The following PCDH11X variants were observed in gnomAD, a reference collection of about 807,000 sequenced individuals.
PCDH11X encodes the protein protocadherin-11 X-linked.
PCDH11X carries 18 observed loss-of-function variants against 53.3 expected under a neutral mutation model. The observed-to-expected ratio is 0.34, with a 90% CI of 0.23 to 0.50. The LOEUF (loss-of-function observed/expected upper bound fraction) is 0.50, where lower values mean the gene tolerates loss of function less well. Ranked by LOEUF, PCDH11X falls within the 20% of genes least tolerant of loss-of-function variation. The probability of loss-of-function intolerance (pLI) is 0.98; values close to 1 mark genes in which losing one functional copy is unlikely to be tolerated. For missense variants in PCDH11X, 570 were observed against 1,032.4 expected, an observed-to-expected ratio of 0.55 and a Z score of 6.14; for synonymous variants, 279 against 393.3, an observed-to-expected ratio of 0.71 and a Z score of 3.44.
chrX:92,252,972 G>C (rs906935725), intron 7 of PCDH11X, among the ~76,000 whole-genome samples: 1 of 110,531 alleles, frequency 9.0e-6, no homozygotes. Flanking sequence ...GTAACCAGCA[G>C]GAATACACAA....
At chrX:91,902,299 G>A (rs190370630) in intron 6 of PCDH11X, among the ~76,000 whole-genome samples, 78 of 109,983 alleles carry the variant, frequency 7.1e-4, no homozygotes, top group Non-Finnish European at 1.3e-3. Flanking sequence ...CATGTAGTTA[G>A]CAGTGGCCTC....
intron 6 of PCDH11X, among the ~76,000 whole-genome samples, chrX:91,958,077 G>A (rs750446392): frequency 1.8e-5 from 2 of 110,837 alleles, no homozygotes; most frequent in African/African-American, 3.3e-5. Context: ...CTGCATTGTT[G>A]GGGGGCCCTT....
At chrX:91,861,660 C>A (rs151059966) in intron 5 of PCDH11X, among the ~76,000 whole-genome samples, 1 of 112,003 alleles carries the variant, frequency 8.9e-6, no homozygotes, top group Admixed American at 9.5e-5. Flanking sequence ...CCAACCCAAA[C>A]GGCTGCTGAG....
chrX:92,470,469 G>A (rs1344630108), intron 10 of PCDH11X, among the ~76,000 whole-genome samples: 1 of 104,172 alleles, frequency 9.6e-6, no homozygotes, highest in Non-Finnish European at 2.0e-5. Context: ...CTCTAGCTAG[G>A]ACTTCCAGTA....
At chrX:92,333,082 C>G (rs2069532150) in intron 8 of PCDH11X, among the ~76,000 whole-genome samples, 2 of 109,216 alleles carry the variant, frequency 1.8e-5, no homozygotes, top group Non-Finnish European at 3.8e-5. Flanking sequence ...AGTTTCATGC[C>G]CTTATTTTTG....
At chrX:92,267,468 T>C (rs1378412304) in intron 8 of PCDH11X, among the ~76,000 whole-genome samples, 2 of 112,413 alleles carry the variant, frequency 1.8e-5, no homozygotes, top group African/African-American at 6.5e-5. Context: ...TTCTCTGTCA[T>C]TGGCCAGACT....
intron 7 of PCDH11X, among the ~76,000 whole-genome samples, chrX:92,244,405 G>A (rs2067311567): frequency 9.2e-6 from 1 of 108,654 alleles, no homozygotes; most frequent in African/African-American, 3.4e-5. Context: ...GTCTTTTACT[G>A]TCATTCAAAG....
At chrX:92,231,791 G>A (rs2088969417) in intron 7 of PCDH11X, among the ~76,000 whole-genome samples, 1 of 112,058 alleles carries the variant, frequency 8.9e-6, no homozygotes, top group African/African-American at 3.2e-5. Context: ...CCAATTTTAA[G>A]TTCTTATGGA....
chrX:91,823,870 G>T (rs1222767699), intron 4 of PCDH11X, among the ~76,000 whole-genome samples: 26 of 110,578 alleles, frequency 2.4e-4, no homozygotes, highest in African/African-American at 8.3e-4. Flanking sequence ...GGCAGGCCTG[G>T]TGGTGACAAA....
chrX:92,118,132 T>C (rs1262298596), intron 6 of PCDH11X, among the ~76,000 whole-genome samples: 1 of 111,478 alleles, frequency 9.0e-6, no homozygotes, highest in African/African-American at 3.3e-5. Flanking sequence ...ACCTTTTTTC[T>C]TGAGCCACAG....
At chrX:91,803,678 T>C in intron 1 of PCDH11X, among the ~76,000 whole-genome samples, 2 of 111,507 alleles carry the variant, frequency 1.8e-5, no homozygotes, top group South Asian at 3.7e-4. Context: ...GCATATATCA[T>C]AAGACTGCTG....
chrX:92,347,512 C>T (rs1328832046), intron 8 of PCDH11X, among the ~76,000 whole-genome samples: 1 of 111,723 alleles, frequency 9.0e-6, no homozygotes, highest in African/African-American at 3.2e-5. Flanking sequence ...AAGAGGCTTC[C>T]GGGTAGAAAT....
At chrX:91,884,696 A>G (rs1038717399) in intron 6 of PCDH11X, among the ~76,000 whole-genome samples, 7 of 93,151 alleles carry the variant, frequency 7.5e-5, no homozygotes, top group Non-Finnish European at 1.1e-4. Flanking sequence ...TTCTTAAACT[A>G]TTTATGACTT....
chrX:92,558,954 G>T (rs2557254), intron 10 of PCDH11X, among the ~76,000 whole-genome samples: 1 of 107,306 alleles, frequency 9.3e-6, no homozygotes, highest in East Asian at 2.9e-4. Flanking sequence ...TATGAGTCAT[G>T]TAATTAAATT....
At chrX:92,231,580 G>A (rs975840948) in intron 7 of PCDH11X, among the ~76,000 whole-genome samples, 1 of 111,787 alleles carries the variant, frequency 8.9e-6, no homozygotes, top group African/African-American at 3.2e-5. Flanking sequence ...ATCGTTGTTT[G>A]AATTAGACCT....
At chrX:92,211,559 T>G in intron 7 of PCDH11X, among the ~76,000 whole-genome samples, 1 of 112,046 alleles carries the variant, frequency 8.9e-6, no homozygotes, top group Non-Finnish European at 1.9e-5. Context: ...TTAGCAGTGT[T>G]GATGAATGAC....
At chrX:92,116,203 A>T (rs1016886668) in intron 6 of PCDH11X, among the ~76,000 whole-genome samples, 91 of 112,466 alleles carry the variant, frequency 8.1e-4, no homozygotes, top group African/African-American at 2.8e-3. Flanking sequence ...TTTGACCAGA[A>T]CTGGGGTTAA....
At chrX:92,278,869 TGGTGCGATCTCA>T (rs1254107316) in intron 8 of PCDH11X, among the ~76,000 whole-genome samples, 1 of 97,862 alleles carries the variant, frequency 1.0e-5, no homozygotes, top group Non-Finnish European at 2.0e-5. Context: ...TGGAGTGCAA[TGGTGCGATCTCA>T]GGTCACTGCA....
At chrX:91,857,311 C>T (rs1266294344) in intron 5 of PCDH11X, among the ~76,000 whole-genome samples, 1 of 111,459 alleles carries the variant, frequency 9.0e-6, no homozygotes, top group Non-Finnish European at 1.9e-5. Flanking sequence ...CCTCCCATGA[C>T]ACATGGGAAT....
Sources: gnomAD v4.1 joint callset for allele counts (sites outside exome capture counted in the v4.1 genomes callset) on GRCh38, gnomAD v4.1.1 for gene constraint, MANE v1.5 for transcripts, NCBI Gene and HGNC (gene_info 2026-07-23, HGNC 2026-07-21) for gene names.